The following RNF220 variants were observed in gnomAD, a reference collection of about 807,000 sequenced individuals.
The protein encoded by RNF220 is E3 ubiquitin-protein ligase RNF220.
A neutral mutation model predicts 67.1 loss-of-function variants in RNF220; 7 were observed. The observed-to-expected ratio is 0.10, with a 90% CI of 0.06 to 0.20. RNF220 has a LOEUF of 0.20. Ranked by LOEUF, RNF220 falls within the 10% of genes least tolerant of loss-of-function variation. The pLI, the probability that RNF220 is intolerant of heterozygous loss-of-function variation, is 1.00. For synonymous variants in RNF220, 270 were observed against 283.2 expected, an observed-to-expected ratio of 0.95 and a Z score of 0.47; for missense variants, 565 against 740.3, an observed-to-expected ratio of 0.76 and a Z score of 2.75.
intron 2 of RNF220, among the ~76,000 whole-genome samples, chr1:44,498,244 T>C (rs1470934508): frequency 6.6e-6 from 1 of 152,156 alleles, no homozygotes; most frequent in African/African-American, 2.4e-5. Flanking sequence ...GTGGTGTAAC[T>C]CCAGAGGTCC....
At chr1:44,538,620 A>C (rs1661423832) in intron 2 of RNF220, among the ~76,000 whole-genome samples, 1 of 152,172 alleles carries the variant, frequency 6.6e-6, no homozygotes, top group African/African-American at 2.4e-5. Flanking sequence ...TGCCCTCTTA[A>C]AAAGCTCTAT....
rs913818206 is a variant in RNF220, at chr1:44,626,407, G to C, written c.906+9G>C. The C allele has an allele frequency of 6.2e-7, 1 of 1,610,322 alleles. No individual in the cohort carries two copies. Among genetic ancestry groups the C allele is most frequent in the Non-Finnish European group, 8.5e-7 (1 of 1,176,806 alleles). On this transcript the variant is annotated intron_variant, in intron 5 of 14. Coordinates refer to ENST00000361799, the MANE Select transcript of RNF220 (RefSeq NM_018150.4). ...ATTCAGACAGATACCAGGTGAGGAGGGGTGGTGAGTGGCCATGAGAAGCAA... is the reference window on the plus strand; with the variant it reads ...ATTCAGACAGATACCAGGTGAGGAGCGGTGGTGAGTGGCCATGAGAAGCAA...
intron 2 of RNF220, among the ~76,000 whole-genome samples, chr1:44,451,858 A>T (rs1172953766): frequency 6.6e-6 from 1 of 152,126 alleles, no homozygotes; most frequent in African/African-American, 2.4e-5. Context: ...TGACCTCGTT[A>T]TCCGCCCACC....
intron 2 of RNF220, among the ~76,000 whole-genome samples, chr1:44,436,375 G>A (rs950411819): frequency 6.7e-6 from 1 of 150,326 alleles, no homozygotes; most frequent in Admixed American, 6.7e-5. Flanking sequence ...TTTTCCCTAG[G>A]TTTTCTTGTC....
chr1:44,576,914 G>A (rs1664847305), intron 2 of RNF220, among the ~76,000 whole-genome samples: 1 of 152,092 alleles, frequency 6.6e-6, no homozygotes, highest in Non-Finnish European at 1.5e-5. Flanking sequence ...CTCTACTCTA[G>A]GCTCACTTCT....
At chr1:44,477,972 C>T (rs1291657815) in intron 2 of RNF220, among the ~76,000 whole-genome samples, 1 of 152,100 alleles carries the variant, frequency 6.6e-6, no homozygotes, top group Admixed American at 6.6e-5. Context: ...CAAGACTCCC[C>T]CAGTTTTTAT....
intron 2 of RNF220, among the ~76,000 whole-genome samples, chr1:44,463,277 G>C (rs918110137): frequency 6.6e-6 from 1 of 151,358 alleles, no homozygotes; most frequent in Non-Finnish European, 1.5e-5. Context: ...AGAAGCTGCA[G>C]TTAGCTGAGA....
At chr1:44,511,818 A>T (rs770814495) in intron 2 of RNF220, among the ~76,000 whole-genome samples, 27 of 152,226 alleles carry the variant, frequency 1.8e-4, no homozygotes, top group Non-Finnish European at 3.8e-4. Context: ...AAACAAGCCT[A>T]AAAATGTTCA....
At chr1:44,562,111 G>A (rs997829804) in intron 2 of RNF220, among the ~76,000 whole-genome samples, 3 of 152,198 alleles carry the variant, frequency 2.0e-5, no homozygotes, top group African/African-American at 7.2e-5. Flanking sequence ...GGGTTATCTA[G>A]AGGGGCCATC....
chr1:44,644,633 C>T (rs991917083), intron 8 of RNF220, 65 bp from the exon 9 acceptor site: 31 of 1,313,714 alleles, frequency 2.4e-5, no homozygotes, highest in Non-Finnish European at 3.4e-5. Flanking sequence ...TACCTGGAGG[C>T]AACAGGAGGG....
chr1:44,491,421 G>T (rs1389865342), intron 2 of RNF220, among the ~76,000 whole-genome samples: 1 of 152,088 alleles, frequency 6.6e-6, no homozygotes, highest in Admixed American at 6.6e-5. Context: ...TTAACTCCAG[G>T]AGTGCAAAGT....
chr1:44,631,328 C>T (rs1644111703), intron 5 of RNF220, among the ~76,000 whole-genome samples: 2 of 152,210 alleles, frequency 1.3e-5, no homozygotes, highest in Non-Finnish European at 2.9e-5. Flanking sequence ...TTTCAATGTA[C>T]ACTTTCAGGA....
At chr1:44,534,200 G>A (rs1362436294) in intron 2 of RNF220, among the ~76,000 whole-genome samples, 2 of 151,990 alleles carry the variant, frequency 1.3e-5, no homozygotes, top group Admixed American at 6.6e-5. Flanking sequence ...GGCTGGTCTC[G>A]AACTCCTGCG....
At chr1:44,599,050 A>G (rs1666738146) in intron 2 of RNF220, among the ~76,000 whole-genome samples, 1 of 151,306 alleles carries the variant, frequency 6.6e-6, no homozygotes, top group Non-Finnish European at 1.5e-5. Flanking sequence ...ACTAATACCC[A>G]CCCTATGCCA....
intron 2 of RNF220, chr1:44,419,272 G>A (rs1648950997): frequency 6.6e-6 from 1 of 152,180 alleles, no homozygotes; most frequent in African/African-American, 2.4e-5. Context: ...GTGCTACAGG[G>A]TAGGAATTTG....
intron 2 of RNF220, among the ~76,000 whole-genome samples, chr1:44,608,202 G>A (rs1241209451): frequency 6.6e-6 from 1 of 152,204 alleles, no homozygotes; most frequent in Non-Finnish European, 1.5e-5. Context: ...TAGGATTACA[G>A]GTTTGAGCCA....
chr1:44,470,067 A>G (rs1363020080), intron 2 of RNF220, among the ~76,000 whole-genome samples: 1 of 96,584 alleles, frequency 1.0e-5, no homozygotes, highest in Non-Finnish European at 2.6e-5. Flanking sequence ...GCAGGGAAAC[A>G]AGAGCAGATG....
intron 2 of RNF220, among the ~76,000 whole-genome samples, chr1:44,591,040 C>T (rs1666079262): frequency 6.6e-6 from 1 of 152,204 alleles, no homozygotes; most frequent in African/African-American, 2.4e-5. Flanking sequence ...CAGCTCACTG[C>T]AACCTCCGCC....
chr1:44,543,821 C>A (rs1291131978), intron 2 of RNF220, among the ~76,000 whole-genome samples: 1 of 152,194 alleles, frequency 6.6e-6, no homozygotes, highest in African/African-American at 2.4e-5. Flanking sequence ...ACCCCTCCCC[C>A]GTCCTGCCAA....
Sources: gnomAD v4.1 joint callset for allele counts (sites outside exome capture counted in the v4.1 genomes callset) on GRCh38, gnomAD v4.1.1 for gene constraint, MANE v1.5 for transcripts, NCBI Gene and HGNC (gene_info 2026-07-23, HGNC 2026-07-21) for gene names.